Variants in KIT observed in about 807,000 individuals in gnomAD.
The protein encoded by KIT is mast/stem cell growth factor receptor Kit.
Under a neutral mutation model 105.7 loss-of-function variants are expected in KIT, and 16 were observed. The ratio of observed to expected loss-of-function variants is 0.15; its 90% CI spans 0.10 to 0.23. KIT has a LOEUF of 0.23. Ranked by LOEUF, KIT falls within the 10% of genes least tolerant of loss-of-function variation. The pLI is 1.00. For missense variants in KIT, 858 were observed against 1,213.8 expected, an observed-to-expected ratio of 0.71 and a Z score of 4.36; for synonymous variants, 438 against 441.1, an observed-to-expected ratio of 0.99 and a Z score of 0.09.
intron 1 of KIT, among the ~76,000 whole-genome samples, chr4:54,667,385 T>G (rs2282780): frequency 0.29 from 43,699 of 152,130 alleles, 7,374 homozygotes; most frequent in Admixed American, 0.4. Context: ...TTAAGGATCC[T>G]AGGACCTATA....
intron 1 of KIT, among the ~76,000 whole-genome samples, chr4:54,668,938 G>C (rs529712498): frequency 6.6e-6 from 1 of 152,128 alleles, no homozygotes; most frequent in African/African-American, 2.4e-5. Context: ...TTGAAAGAAG[G>C]TACCTTAGAA....
chr4:54,730,388 T>G, intron 14 of KIT, among the ~76,000 whole-genome samples: 1 of 152,178 alleles, frequency 6.6e-6, no homozygotes, highest in Non-Finnish European at 1.5e-5. Context: ...CAAGGAGACC[T>G]CAGTAAATAT....
Position 54,664,283 on chromosome 4 carries a change from T to C in KIT, c.67+6202T>C, listed in dbSNP as rs550284376. ...TGATGGCTGGGGGTAGGGAATTGGC[T>C]GGGAAGGTAAGACTCCTCTTACTAG... On this transcript the variant is annotated intron_variant, in intron 1 of 20. Transcript: ENST00000288135. Among the ~76,000 whole-genome samples, 9 of 152,276 alleles carry C rather than the reference T, an allele frequency of 5.9e-5. No individual in the cohort carries two copies. The South Asian group carries it at 1.9e-3, about 32-fold the overall frequency.
chr4:54,730,835 AAAAT>A (rs1434463238), intron 14 of KIT, among the ~76,000 whole-genome samples: 2 of 152,176 alleles, frequency 1.3e-5, no homozygotes, highest in African/African-American at 4.8e-5. Flanking sequence ...GATGGTTCAG[AAAAT>A]CATCCAAATT....
At position 54,736,506 on chromosome 4, in the gene KIT, A is replaced by T. The variant is rs1553893435; in HGVS notation, c.2493A>T (p.Leu831=). Residue 831 remains leucine, a synonymous_variant, in exon 18 of 21, where the codon CTA becomes CTT. Transcript: ENST00000288135. ...TTGTGCTTCTATTACAGGCTCGACTACCTGTGAAGTGGATGGCACCTGAAA... is the reference window on the plus strand; with the variant it reads ...TTGTGCTTCTATTACAGGCTCGACTTCCTGTGAAGTGGATGGCACCTGAAA... ...SNYVVKGNAR[L]PVKWMAPESI... The T allele has an allele frequency of 1.2e-6, 2 of 1,610,548 alleles. No homozygotes were observed. Among genetic ancestry groups the T allele is most frequent in the Non-Finnish European group, 8.5e-7 (1 of 1,176,764 alleles).
In KIT at chr4:54,731,338, A is replaced by G. The variant is rs564307874; in HGVS notation, c.2152A>G (p.Thr718Ala). Residue 718 changes from threonine (T) to alanine (A), a missense_variant, in exon 15 of 21, where the codon ACT becomes GCT. Coordinates refer to ENST00000288135, the MANE Select transcript of KIT (RefSeq NM_000222.3). ...TTTCATCTCTCCCAGCAGCGATAGT[A>G]CTAATGAGTACATGGACATGAAACC... ...HSKESSCSDS[T>A]NEYMDMKPGV... 9.2e-5 allele frequency: 149 copies of G among 1,612,300 alleles called. 1 individual carries two copies. In the South Asian group the frequency reaches 1.5e-3, roughly 17 times the overall value.
chr4:54,661,795 T>C (rs9683978), intron 1 of KIT, among the ~76,000 whole-genome samples: 5,890 of 152,236 alleles, frequency 0.039, 358 homozygotes, highest in African/African-American at 0.13. Flanking sequence ...GGAGGGCAAA[T>C]CCAGTGTAAA....
intron 14 of KIT, among the ~76,000 whole-genome samples, chr4:54,730,904 A>T (rs1052134832): frequency 6.6e-6 from 1 of 152,102 alleles, no homozygotes. Context: ...TCCATCAGTC[A>T]CTATATGTTA....
At chr4:54,703,664 T>C in intron 4 of KIT, 60 bp from the exon 5 acceptor site, 1 of 1,394,988 alleles carries the variant, frequency 7.2e-7, no homozygotes. Flanking sequence ...CTAGGAAAGA[T>C]TCTGAATATA....
intron 6 of KIT, 71 bp from the exon 7 acceptor site, chr4:54,709,353 G>T (rs1720991632): frequency 1.0e-6 from 1 of 962,724 alleles, no homozygotes; most frequent in Non-Finnish European, 1.7e-6. Context: ...TTTCCAGGTA[G>T]AAACTGAAAA....
chr4:54,717,184 A>G (rs1721558476), intron 7 of KIT, among the ~76,000 whole-genome samples: 1 of 152,160 alleles, frequency 6.6e-6, no homozygotes, highest in Non-Finnish European at 1.5e-5. Context: ...AGATGTTTAA[A>G]TTGGAAAAAA....
At position 54,731,899 on chromosome 4, in the gene KIT, C is replaced by T. The variant is rs200112919; in HGVS notation, c.2262C>T (p.Pro754=). ...IGSYIERDVT[P]AIMEDDELAL... is the part of the protein sequence containing the mutation. Reference sequence around the variant, plus strand: ...CATACATAGAAAGAGATGTGACTCCCGCCATCATGGAGGATGACGAGTTGG... The same window carrying T: ...CATACATAGAAAGAGATGTGACTCCTGCCATCATGGAGGATGACGAGTTGG... The change falls in exon 16 of 21, where the codon CCC becomes CCT. Residue 754 remains proline (P), a synonymous_variant. Coordinates refer to ENST00000288135, the MANE Select transcript of KIT (RefSeq NM_000222.3). The T allele has an allele frequency of 3.8e-5, 62 of 1,613,564 alleles. No individual in the cohort carries two copies. The East Asian group carries it at 7.6e-4, about 20-fold the overall frequency.
rs77759615 is a variant in KIT at position 54,715,715 on chromosome 4, A to G, written c.1231+6176A>G. On this transcript the variant is annotated intron_variant, in intron 7 of 20. Transcript: ENST00000288135. ...GGCCCCACCTCCAGTATTCAGGATC[A>G]GTTTTTAAACATGAGATTTGAAGGG... 8.6e-3 allele frequency among the ~76,000 whole-genome samples: 1,307 copies of G among 152,294 alleles called. 22 individuals are homozygous for G. The highest frequency in any genetic ancestry group is 0.03 in the African/African-American group (1,246 of 41,560).
chr4:54,714,817 G>A (rs1303640528), intron 7 of KIT, among the ~76,000 whole-genome samples: 1 of 152,154 alleles, frequency 6.6e-6, no homozygotes, highest in Non-Finnish European at 1.5e-5. Flanking sequence ...CCAGTGCGGT[G>A]GGAGTACTGT....
At chr4:54,668,320 C>T (rs543720914) in intron 1 of KIT, among the ~76,000 whole-genome samples, 1 of 152,266 alleles carries the variant, frequency 6.6e-6, no homozygotes, top group South Asian at 2.1e-4. Flanking sequence ...ATGCCTCATT[C>T]TTGACCAAGT....
intron 1 of KIT, among the ~76,000 whole-genome samples, chr4:54,688,518 C>G (rs535770925): frequency 6.6e-6 from 1 of 152,216 alleles, no homozygotes; most frequent in East Asian, 1.9e-4. Context: ...GAAAGGACTT[C>G]CTTACTTTTA....
intron 17 of KIT, among the ~76,000 whole-genome samples, chr4:54,734,837 C>T (rs977524886): frequency 5.9e-5 from 9 of 152,116 alleles, no homozygotes; most frequent in Admixed American, 3.9e-4. Context: ...ACACTGTTTT[C>T]AACGCCTATG....
At chr4:54,675,218 A>G (rs922205255) in intron 1 of KIT, among the ~76,000 whole-genome samples, 4 of 152,210 alleles carry the variant, frequency 2.6e-5, no homozygotes, top group African/African-American at 9.7e-5. Context: ...GCTTTTGGGA[A>G]TGGCCATTAT....
intron 7 of KIT, among the ~76,000 whole-genome samples, chr4:54,716,519 T>A (rs1477862665): frequency 6.6e-6 from 1 of 151,102 alleles, no homozygotes; most frequent in East Asian, 1.9e-4. Flanking sequence ...GACCATTAAT[T>A]TTTTTTTAAA....
Sources: gnomAD v4.1 joint callset for allele counts (sites outside exome capture counted in the v4.1 genomes callset) on GRCh38, gnomAD v4.1.1 for gene constraint, MANE v1.5 for transcripts, NCBI Gene and HGNC (gene_info 2026-07-23, HGNC 2026-07-21) for gene names.